CLSTN1: variants seen among roughly 807,000 people sequenced by gnomAD.
CLSTN1 encodes the protein calsyntenin 1.
In CLSTN1, 28 loss-of-function variants were observed where a neutral mutation model predicts 108.3. The ratio of observed to expected loss-of-function variants is 0.26; its 90% confidence interval spans 0.19 to 0.35. CLSTN1 has a LOEUF of 0.35. Ranked by LOEUF, CLSTN1 falls within the 10% of genes least tolerant of loss-of-function variation. The pLI is 1.00. For synonymous variants in CLSTN1, 524 were observed against 534.9 expected (o/e 0.98, Z 0.28); for missense variants, 1,157 against 1,302.6 (o/e 0.89, Z 1.72).
intron 7 of CLSTN1, among the ~76,000 whole-genome samples, chr1:9,747,176 CAAAAAAAAAAA>C (rs70998306): frequency 1.8e-4 from 6 of 32,744 alleles, no homozygotes; most frequent in East Asian, 1.2e-3. Context: ...GAGACTGTCT[CAAAAAAAAAAA>C]AAAAAAAAAA....
chr1:9,792,275 A>G (rs752879209), intron 1 of CLSTN1, among the ~76,000 whole-genome samples: 1 of 151,408 alleles, frequency 6.6e-6, no homozygotes, highest in Non-Finnish European at 1.5e-5. Context: ...CAATGCCGGT[A>G]TTCCACACTG....
chr1:9,807,008 G>A (rs1654535535), intron 1 of CLSTN1, among the ~76,000 whole-genome samples: 1 of 151,630 alleles, frequency 6.6e-6, no homozygotes, highest in Admixed American at 6.6e-5. Flanking sequence ...TACAGTAAGG[G>A]CGTGGGGGGG....
In CLSTN1 at chr1:9,730,280, G is replaced by A. The variant is rs1029613957; in HGVS notation, c.*228C>T. ...GAGGCCCCTGTGCGAGCCGGATGGC[G>A]GCCAGAGAGGACGTGTCAGCTCCTC... On this transcript the variant is annotated 3_prime_UTR_variant, in exon 19 of 19. Coordinates refer to ENST00000377298, the MANE Select transcript of CLSTN1 (RefSeq NM_001009566.3). The surrounding 1 kb of genome is among the most constrained non-coding windows in gnomAD (Gnocchi z 5.6). The A allele has an allele frequency of 1.3e-4, 74 of 583,998 alleles. No homozygotes were observed. Among genetic ancestry groups the A allele is most frequent in the Middle Eastern group, 4.5e-4 (1 of 2,206 alleles). The allele number at this position is 583,998 out of a possible 1,614,324, so 36.2% of individuals were successfully genotyped here.
chr1:9,762,264 C>T (rs1570463579), intron 2 of CLSTN1, among the ~76,000 whole-genome samples: 2 of 152,206 alleles, frequency 1.3e-5, no homozygotes, highest in South Asian at 4.1e-4. Context: ...GAGTTCGAGA[C>T]CAGCCTGGTC....
chr1:9,786,499 C>T (rs1200393495), intron 1 of CLSTN1, among the ~76,000 whole-genome samples: 1 of 151,846 alleles, frequency 6.6e-6, no homozygotes, highest in Non-Finnish European at 1.5e-5. Flanking sequence ...AAAAATTAGC[C>T]AGGTGTGGTG....
chr1:9,730,958 T>G lies in CLSTN1; in HGVS notation c.2748+248A>C, dbSNP rs147714343. Among the ~76,000 whole-genome samples, 637 of 152,236 alleles carry G rather than the reference T, an allele frequency of 4.2e-3. 12 individuals are homozygous for G. In the East Asian group the frequency reaches 0.043, roughly 10 times the overall value. On this transcript the variant is annotated intron_variant, in intron 18 of 18. Coordinates refer to ENST00000377298, the MANE Select transcript of CLSTN1 (RefSeq NM_001009566.3). This position sits in a 1 kb window ranked among gnomAD's most constrained non-coding sequence, Gnocchi z 5.6. ...CCTCAGCTGCCCCACCAGAGAACTCTCTCAGGATTACCATGACCCAAGAGC... is the reference window on the plus strand; with the variant it reads ...CCTCAGCTGCCCCACCAGAGAACTCGCTCAGGATTACCATGACCCAAGAGC...
chr1:9,743,093 A>G (rs778295331), intron 9 of CLSTN1, among the ~76,000 whole-genome samples: 1 of 152,234 alleles, frequency 6.6e-6, no homozygotes, highest in Non-Finnish European at 1.5e-5. Context: ...CACTAACTCC[A>G]TGAGACAAAT....
chr1:9,773,282 C>T lies in CLSTN1; in HGVS notation c.204G>A (p.Leu68=). The change falls in exon 2 of 19, where the codon CTG becomes CTA. Residue 68 remains leucine, a synonymous_variant. Coordinates refer to ENST00000377298, the MANE Select transcript of CLSTN1 (RefSeq NM_001009566.3). The part of the protein sequence containing the change: ...PLIALDKDAP[L]RFAESFEVTV... ...AAGCCCCGTTCCTACCTGCAAATCG[C>T]AGAGGCGCATCTTTATCCAGCGCGA... The T allele has an allele frequency of 2.5e-6, 4 of 1,614,064 alleles. No homozygotes were observed. Among genetic ancestry groups the T allele is most frequent in the Non-Finnish European group, 3.4e-6 (4 of 1,179,956 alleles).
At chr1:9,758,760 C>A (rs949763353) in intron 2 of CLSTN1, among the ~76,000 whole-genome samples, 3 of 152,108 alleles carry the variant, frequency 2.0e-5, no homozygotes, top group African/African-American at 7.2e-5. Context: ...CATTGCCTGG[C>A]GGAAAGAGAG....
intron 1 of CLSTN1, among the ~76,000 whole-genome samples, chr1:9,799,575 A>G (rs1323155043): frequency 6.6e-6 from 1 of 151,272 alleles, no homozygotes; most frequent in East Asian, 1.9e-4. Flanking sequence ...CGGGAGGCAG[A>G]CTATGCAGTG....
At chr1:9,772,761 T>C (rs1652751836) in intron 2 of CLSTN1, among the ~76,000 whole-genome samples, 1 of 152,206 alleles carries the variant, frequency 6.6e-6, no homozygotes, top group Non-Finnish European at 1.5e-5. Flanking sequence ...GTAAAATCTA[T>C]GCCAAAAGCA....
At chr1:9,756,454 A>T in intron 3 of CLSTN1, 27 bp downstream of exon 3, 1 of 1,600,960 alleles carries the variant, frequency 6.2e-7, no homozygotes, top group South Asian at 1.1e-5. Context: ...AATATTCATA[A>T]GAGGGGAAGA....
chr1:9,796,306 A>C (rs924899639), intron 1 of CLSTN1, among the ~76,000 whole-genome samples: 3 of 150,366 alleles, frequency 2.0e-5, no homozygotes, highest in African/African-American at 4.9e-5. Context: ...AAAAAAAAAA[A>C]AACAGGCATT....
intron 1 of CLSTN1, among the ~76,000 whole-genome samples, chr1:9,820,724 TGCAAA>T (rs1226239395): frequency 1.3e-5 from 2 of 152,110 alleles, no homozygotes; most frequent in South Asian, 2.1e-4. Context: ...GGGAAACATA[TGCAAA>T]GCAGATACCC....
At chr1:9,784,100 T>A (rs1352169845) in intron 1 of CLSTN1, among the ~76,000 whole-genome samples, 1 of 140,086 alleles carries the variant, frequency 7.1e-6, no homozygotes, top group African/African-American at 2.7e-5. Context: ...TGAACCAGGG[T>A]GACGGAGGTT....
At chr1:9,809,458 C>T (rs1006549489) in intron 1 of CLSTN1, among the ~76,000 whole-genome samples, 16 of 152,224 alleles carry the variant, frequency 1.1e-4, no homozygotes, top group African/African-American at 3.6e-4. Flanking sequence ...TGCCTCTCCT[C>T]GGTACTCATG....
chr1:9,795,231 TCTCGG>T lies in CLSTN1; in HGVS notation c.92-21842_92-21838del, dbSNP rs577131362. Among the ~76,000 whole-genome samples the T allele has an allele frequency of 1.9e-4, 28 of 150,854 alleles. No homozygotes were observed. In the East Asian group the frequency reaches 5.6e-3, roughly 30 times the overall value. Reference sequence around the variant, plus strand: ...CCCAGGCTGGAGTACAGTGGCCCGATCTCGGCTCACTGCAACCTCTGCCTCCTGGG... The same window carrying T: ...CCCAGGCTGGAGTACAGTGGCCCGATCTCACTGCAACCTCTGCCTCCTGGG... On this transcript the variant is annotated intron_variant, in intron 1 of 18. Transcript: ENST00000377298.
chr1:9,768,535 C>T (rs1652479844), intron 2 of CLSTN1, among the ~76,000 whole-genome samples: 2 of 94,546 alleles, frequency 2.1e-5, no homozygotes, highest in Non-Finnish European at 4.2e-5. Context: ...TGGGTGGCAC[C>T]ATGGGGGCGG....
chr1:9,798,757 C>A (rs1654124599), intron 1 of CLSTN1, among the ~76,000 whole-genome samples: 1 of 152,096 alleles, frequency 6.6e-6, no homozygotes, highest in Admixed American at 6.6e-5. Context: ...TCCAGTACAG[C>A]ATGTTAGGAG....
Sources: gnomAD v4.1 joint callset for allele counts (sites outside exome capture counted in the v4.1 genomes callset) on GRCh38, gnomAD v4.1.1 for gene constraint, Gnocchi (gnomAD v3.1) non-coding constraint, MANE v1.5 for transcripts, NCBI Gene and HGNC (gene_info 2026-07-23, HGNC 2026-07-21) for gene names.